The following PTPN9 variants were observed in gnomAD, a reference collection of about 807,000 sequenced individuals.
PTPN9 encodes the protein protein tyrosine phosphatase non-receptor type 9.
Under a neutral mutation model 69.8 loss-of-function variants are expected in PTPN9, and 26 were observed. The observed-to-expected ratio is 0.37, with a 90% CI of 0.27 to 0.52. PTPN9 has a LOEUF of 0.52. Ranked by LOEUF, PTPN9 falls within the 20% of genes least tolerant of loss-of-function variation. The pLI is 0.91. For synonymous variants in PTPN9, 274 were observed against 272.5 expected (o/e 1.01, Z -0.05); for missense variants, 549 against 740.3 (o/e 0.74, Z 3.00).
intron 1 of PTPN9, among the ~76,000 whole-genome samples, chr15:75,567,309 C>T (rs562067421): frequency 3.0e-4 from 45 of 152,156 alleles, no homozygotes; most frequent in African/African-American, 7.0e-4. Context: ...TGAGTCACCG[C>T]GCCCAGCCTT....
chr15:75,515,303 C>T (rs982350496), intron 5 of PTPN9, among the ~76,000 whole-genome samples: 2 of 151,462 alleles, frequency 1.3e-5, no homozygotes, highest in South Asian at 2.1e-4. Context: ...TGGTGGGCGC[C>T]GTAGTCCCAA....
rs537028159 is a variant in PTPN9 at position 75,557,293 on chromosome 15, C to T, written c.63+21421G>A. ...TACAAAAATTAGCTGGGTGTGGTAG[C>T]GCATGCCTTTAGTCCCAGCTACTTG... On this transcript the variant is annotated intron_variant, in intron 1 of 12. Transcript: ENST00000618819. Among the ~76,000 whole-genome samples, 8 of 152,032 alleles carry T rather than the reference C, an allele frequency of 5.3e-5. No individual in the cohort carries two copies. The South Asian group carries it at 1.5e-3, about 28-fold the overall frequency.
At chr15:75,481,900 G>A (rs1415320888) in intron 8 of PTPN9, among the ~76,000 whole-genome samples, 9 of 146,010 alleles carry the variant, frequency 6.2e-5, no homozygotes, top group Non-Finnish European at 1.1e-4. Context: ...CTGCCCGGCC[G>A]CCCCTACTGG....
intron 10 of PTPN9, among the ~76,000 whole-genome samples, chr15:75,471,302 A>G (rs2074563451): frequency 6.6e-6 from 1 of 152,152 alleles, no homozygotes; most frequent in Admixed American, 6.5e-5. Flanking sequence ...AAAAAAGAGT[A>G]GAGAAAATAT....
intron 1 of PTPN9, among the ~76,000 whole-genome samples, chr15:75,537,887 T>C (rs948374141): frequency 6.6e-5 from 10 of 150,770 alleles, no homozygotes; most frequent in Middle Eastern, 3.5e-3. Context: ...AGTGAAACCC[T>C]GTCTCTTCTA....
At chr15:75,514,102 A>C (rs2074856500) in intron 5 of PTPN9, among the ~76,000 whole-genome samples, 1 of 97,418 alleles carries the variant, frequency 1.0e-5, no homozygotes, top group African/African-American at 3.2e-5. Context: ...CTCTGTCTCA[A>C]AAAAAAAAAA....
chr15:75,545,114 G>C (rs571776162), intron 1 of PTPN9, among the ~76,000 whole-genome samples: 2 of 152,264 alleles, frequency 1.3e-5, no homozygotes, highest in African/African-American at 4.8e-5. Context: ...AGGGTTCTGT[G>C]CCACAACTGC....
chr15:75,537,442 C>CAAAAAAAAAAAAAAA (rs1567510749), intron 1 of PTPN9, among the ~76,000 whole-genome samples: 1 of 49,754 alleles, frequency 2.0e-5, no homozygotes, highest in African/African-American at 1.3e-4. Context: ...AATATCTTCC[C>CAAAAAAAAAAAAAAA]TAAAAAAAAA....
chr15:75,549,214 T>C (rs2075046561), intron 1 of PTPN9, among the ~76,000 whole-genome samples: 1 of 152,166 alleles, frequency 6.6e-6, no homozygotes, highest in South Asian at 2.1e-4. Flanking sequence ...CATTTTTTTT[T>C]CTTTGAGACA....
In PTPN9 at chr15:75,558,701, G is replaced by A. The variant is rs534686993; in HGVS notation, c.63+20013C>T. On this transcript the variant is annotated intron_variant, in intron 1 of 12. Coordinates refer to ENST00000618819, the MANE Select transcript of PTPN9 (RefSeq NM_002833.4). Reference sequence around the variant, plus strand: ...GCGCCGCCACACCTGACTGGTTTTTGTATTTTTTTGGTGGAGACGGGGTTT... The same window carrying A: ...GCGCCGCCACACCTGACTGGTTTTTATATTTTTTTGGTGGAGACGGGGTTT... Among the ~76,000 whole-genome samples the A allele has an allele frequency of 3.1e-4, 47 of 152,336 alleles. No individual in the cohort carries two copies. In the East Asian group the frequency reaches 8.9e-3, roughly 29 times the overall value.
In PTPN9 at chr15:75,553,102, CA is replaced by C. The variant is rs1416859102; in HGVS notation, c.63+25611del. On this transcript the variant is annotated intron_variant, in intron 1 of 12. Transcript: ENST00000618819. ...ACGGGGGTAATACTACACAAAATTG[CA>C]AGAGGGGAGAAAAGGTAATATTTGT... 3.3e-5 allele frequency among the ~76,000 whole-genome samples: 5 copies of C among 151,788 alleles called. 1 individual carries two copies. Among genetic ancestry groups the C allele is most frequent in the Non-Finnish European group, 7.4e-5 (5 of 67,960 alleles).
At chr15:75,545,695 T>C (rs1389712921) in intron 1 of PTPN9, among the ~76,000 whole-genome samples, 1 of 152,158 alleles carries the variant, frequency 6.6e-6, no homozygotes, top group Non-Finnish European at 1.5e-5. Flanking sequence ...ATCCCAGCAC[T>C]TTGGGAGGCG....
intron 7 of PTPN9, among the ~76,000 whole-genome samples, chr15:75,496,322 A>T (rs898180821): frequency 1.1e-4 from 16 of 152,038 alleles, no homozygotes; most frequent in Admixed American, 5.9e-4. Context: ...ATCATTTCAT[A>T]GTAGCCCATG....
At chr15:75,578,685 C>T in intron 1 of PTPN9, 29 bp downstream of exon 1, 2 of 1,364,842 alleles carry the variant, frequency 1.5e-6, no homozygotes, top group South Asian at 1.6e-5. Context: ...CCCGGACACA[C>T]CCAACGCGGC....
At chr15:75,481,963 A>G (rs1180989779) in intron 8 of PTPN9, among the ~76,000 whole-genome samples, 2 of 145,028 alleles carry the variant, frequency 1.4e-5, no homozygotes, top group African/African-American at 5.2e-5. Context: ...GGTGTGCCCA[A>G]CAGCTCATTG....
At chr15:75,472,841 G>A (rs964522307) in intron 10 of PTPN9, among the ~76,000 whole-genome samples, 6 of 151,602 alleles carry the variant, frequency 4.0e-5, no homozygotes, top group South Asian at 2.1e-4. Flanking sequence ...CTAGCTATTC[G>A]GGAGGCTGAG....
intron 6 of PTPN9, among the ~76,000 whole-genome samples, chr15:75,508,118 C>T (rs1006698548): frequency 1.3e-5 from 2 of 151,006 alleles, no homozygotes; most frequent in African/African-American, 4.9e-5. Context: ...TTCCACAGAA[C>T]CAAATGTTTT....
intron 1 of PTPN9, among the ~76,000 whole-genome samples, chr15:75,530,440 A>ATAT (rs779729453): frequency 9.3e-6 from 1 of 107,010 alleles, no homozygotes; most frequent in African/African-American, 3.6e-5. Flanking sequence ...AATATATAAT[A>ATAT]TATTATTATT....
At chr15:75,502,367 G>T (rs1595954389) in intron 7 of PTPN9, among the ~76,000 whole-genome samples, 1 of 151,894 alleles carries the variant, frequency 6.6e-6, no homozygotes, top group South Asian at 2.1e-4. Flanking sequence ...AGAATCGCTT[G>T]AACCTGGGAG....
Sources: gnomAD v4.1 joint callset for allele counts (sites outside exome capture counted in the v4.1 genomes callset) on GRCh38, gnomAD v4.1.1 for gene constraint, MANE v1.5 for transcripts, NCBI Gene and HGNC (gene_info 2026-07-23, HGNC 2026-07-21) for gene names.